RASEF: variants seen among roughly 807,000 people sequenced by gnomAD.
RASEF encodes the protein ras and EF-hand domain-containing protein.
A neutral mutation model predicts 90.1 loss-of-function variants in RASEF; 68 were observed. The ratio of observed to expected loss-of-function variants is 0.75; its 90% CI spans 0.62 to 0.92. The LOEUF (loss-of-function observed/expected upper bound fraction) is 0.92. RASEF is among the 40% of genes least tolerant of loss of function. The pLI, the probability that RASEF is intolerant of heterozygous loss-of-function variation, is 0.00. For missense variants in RASEF, 949 were observed against 937.2 expected (o/e 1.01, Z -0.16); for synonymous variants, 331 against 345.2 (o/e 0.96, Z 0.46).
At chr9:82,984,528 G>C (rs981679388) in intron 16 of RASEF, among the ~76,000 whole-genome samples, 2 of 152,154 alleles carry the variant, frequency 1.3e-5, no homozygotes, top group African/African-American at 4.8e-5. Context: ...TTTCATATTT[G>C]ATATATACCC....
chr9:82,985,335 C>G (rs569153293), intron 16 of RASEF, among the ~76,000 whole-genome samples: 4 of 152,150 alleles, frequency 2.6e-5, no homozygotes, highest in Non-Finnish European at 5.9e-5. Flanking sequence ...CGCTGATAAT[C>G]CCATCAGATC....
At chr9:83,005,638 T>G in intron 7 of RASEF, 138 bp from the exon 8 acceptor site, 1 of 673,798 alleles carries the variant, frequency 1.5e-6, no homozygotes, top group Non-Finnish European at 2.6e-6. Context: ...CCACTTCCCT[T>G]CAAACCTCAA....
chr9:83,018,501 C>T (rs74915689), intron 3 of RASEF, among the ~76,000 whole-genome samples: 4,415 of 145,654 alleles, frequency 0.03, 101 homozygotes, highest in African/African-American at 0.076. Flanking sequence ...CAATTCTCTC[C>T]AAATTGATCT....
the RASEF span, among the ~76,000 whole-genome samples, chr9:83,102,511 T>C: frequency 6.6e-6 from 1 of 152,206 alleles, no homozygotes; most frequent in East Asian, 1.9e-4. Context: ...CAAATATGTT[T>C]TAGAAAGCAG....
Position 83,062,788 on chromosome 9 carries a change from C to G in RASEF, c.80G>C (p.Arg27Pro). The change falls in exon 1 of 17, where the codon CGC becomes CCC. Residue 27 changes from arginine to proline, a missense_variant. Coordinates refer to ENST00000376447, the MANE Select transcript of RASEF (RefSeq NM_152573.4). ...TGCCCGGAACTCCTCGCGCTCCAGG[C>G]GCCCCGAGCGGTTCGCGTCGCAGGC... ...FAACDANRSG[R>P]LEREEFRALC... 6.4e-7 allele frequency: 1 copy of G among 1,555,934 alleles called. No homozygotes were observed. Among genetic ancestry groups the G allele is most frequent in the Non-Finnish European group, 8.6e-7 (1 of 1,160,808 alleles).
At chr9:83,209,816 T>C in the RASEF span, among the ~76,000 whole-genome samples, 3 of 152,176 alleles carry the variant, frequency 2.0e-5, no homozygotes, top group Non-Finnish European at 4.4e-5. Flanking sequence ...TCATGGTCCA[T>C]GTTGGCCTAG....
At chr9:83,205,380 C>A in the RASEF span, among the ~76,000 whole-genome samples, 11 of 152,164 alleles carry the variant, frequency 7.2e-5, no homozygotes, top group African/African-American at 2.7e-4. Flanking sequence ...CTATCACTTG[C>A]AATCAAAATA....
chr9:83,119,410 AC>A, the RASEF span, among the ~76,000 whole-genome samples: 1 of 152,148 alleles, frequency 6.6e-6, no homozygotes, highest in Non-Finnish European at 1.5e-5. Flanking sequence ...CTATAAGGAA[AC>A]TTTTCACATT....
the RASEF span, among the ~76,000 whole-genome samples, chr9:83,134,845 T>G: frequency 6.6e-6 from 1 of 152,136 alleles, no homozygotes; most frequent in East Asian, 1.9e-4. Flanking sequence ...ACAGCCAAAA[T>G]GTAGAAACAC....
At chr9:83,062,347 GGGC>G in intron 1 of RASEF, 87 bp downstream of exon 1, 1 of 1,230,674 alleles carries the variant, frequency 8.1e-7, no homozygotes, top group Non-Finnish European at 1.2e-6. Context: ...CTAGGGGGGG[GGGC>G]CATTGGGTCT....
intron 14 of RASEF, among the ~76,000 whole-genome samples, chr9:82,993,975 C>T (rs891830488): frequency 6.6e-6 from 1 of 152,224 alleles, no homozygotes; most frequent in African/African-American, 2.4e-5. Flanking sequence ...ACACAAGTTT[C>T]TGGTTCCTAA....
At chr9:83,150,479 G>A in the RASEF span, among the ~76,000 whole-genome samples, 1 of 152,116 alleles carries the variant, frequency 6.6e-6, no homozygotes, top group Non-Finnish European at 1.5e-5. Flanking sequence ...GAGCAGCTCT[G>A]TGTCAGGAAC....
chr9:83,135,458 C>T, the RASEF span, among the ~76,000 whole-genome samples: 253 of 151,860 alleles, frequency 1.7e-3, 1 homozygote, highest in Non-Finnish European at 3.0e-3. Flanking sequence ...CAAACCTGCA[C>T]GTTGCGCACA....
chr9:83,163,876 C>A, the RASEF span, among the ~76,000 whole-genome samples: 1 of 151,246 alleles, frequency 6.6e-6, no homozygotes, highest in African/African-American at 2.4e-5. Context: ...GCTCAGAGAA[C>A]ACCAAGAAAA....
At chr9:83,078,572 G>C in the RASEF span, among the ~76,000 whole-genome samples, 3 of 152,004 alleles carry the variant, frequency 2.0e-5, no homozygotes, top group African/African-American at 7.2e-5. Flanking sequence ...GCTGAGGTGG[G>C]AGAATCATTT....
chr9:83,184,632 T>C, the RASEF span, among the ~76,000 whole-genome samples: 2 of 151,974 alleles, frequency 1.3e-5, no homozygotes, highest in Non-Finnish European at 2.9e-5. Context: ...CCCTATTTCA[T>C]CCTGTGTTTC....
the RASEF span, among the ~76,000 whole-genome samples, chr9:83,161,390 C>A: frequency 6.6e-6 from 1 of 151,618 alleles, no homozygotes; most frequent in Non-Finnish European, 1.5e-5. Flanking sequence ...AATTGCCCTG[C>A]TGGGTTTCAG....
the RASEF span, among the ~76,000 whole-genome samples, chr9:83,088,686 T>C: frequency 6.6e-6 from 1 of 152,078 alleles, no homozygotes; most frequent in African/African-American, 2.4e-5. Context: ...TAGCAAAACA[T>C]TTTGTCTTAA....
the RASEF span, among the ~76,000 whole-genome samples, chr9:83,072,289 T>C: frequency 4.5e-4 from 68 of 152,258 alleles, no homozygotes; most frequent in East Asian, 6.6e-3. Flanking sequence ...AGCAATACTG[T>C]TTCCAAAATA....
Sources: gnomAD v4.1 joint callset for allele counts (sites outside exome capture counted in the v4.1 genomes callset) on GRCh38, gnomAD v4.1.1 for gene constraint, MANE v1.5 for transcripts, NCBI Gene and HGNC (gene_info 2026-07-23, HGNC 2026-07-21) for gene names.